The following GNPAT variants were observed in gnomAD, a reference collection of about 807,000 sequenced individuals.
GNPAT encodes the protein glyceronephosphate O-acyltransferase, also known as dihydroxyacetone phosphate acyltransferase.
Under a neutral mutation model 78.4 loss-of-function variants are expected in GNPAT, and 30 were observed. The observed-to-expected ratio is 0.38, with a 90% CI of 0.29 to 0.52. The LOEUF is 0.52. Among genes scored for constraint, GNPAT ranks in the 20% least tolerant of loss-of-function variants. GNPAT has a pLI of 0.84. For synonymous variants in GNPAT, 271 were observed against 281.1 expected (o/e 0.96, Z 0.36); for missense variants, 714 against 812.2 (o/e 0.88, Z 1.47).
Position 231,272,404 on chromosome 1 carries a change from C to G in GNPAT, c.1602+13C>G. 1 of 1,338,388 alleles carries G rather than the reference C, an allele frequency of 7.5e-7. No individual in the cohort carries two copies. The highest frequency in any genetic ancestry group is 1.1e-6 in the Non-Finnish European group (1 of 930,506). The allele number at this position is 1,338,388 out of a possible 1,614,324, so 82.9% of individuals were successfully genotyped here. A position where few individuals can be genotyped will look rare whatever the true frequency, so the allele number is the denominator to read the frequency against. On this transcript the variant is annotated intron_variant, in intron 11 of 15. Transcript: ENST00000366647. ...AAACACACTAAAGGTAAAGTGCTTA[C>G]AACAAAGAGCAAGTATGTTTGCAGT... is the stretch of plus-strand genomic sequence containing the variant.
chr1:231,260,491 T>C lies in GNPAT; in HGVS notation c.262-16T>C. The C allele has an allele frequency of 6.3e-7, 1 of 1,583,350 alleles. No individual in the cohort carries two copies. Among genetic ancestry groups the C allele is most frequent in the Non-Finnish European group, 8.7e-7 (1 of 1,152,640 alleles). On this transcript the variant is annotated splice_polypyrimidine_tract_variant and intron_variant, in intron 2 of 15. Coordinates refer to ENST00000366647, the MANE Select transcript of GNPAT (RefSeq NM_014236.4). ...ATTGTTGTTAGAAATTATTCCTGCT[T>C]TTCCTTTCCTTTTAGCTTTCCAAGG...
rs193133802 is a variant in GNPAT at position 231,245,551 on chromosome 1, G to A, written c.78+4095G>A. 8.0e-4 allele frequency among the ~76,000 whole-genome samples: 122 copies of A among 152,224 alleles called. 1 individual carries two copies. Among genetic ancestry groups the A allele is most frequent in the African/African-American group, 2.2e-3 (92 of 41,546 alleles). ...CAGAGTGAGCCACCATGCCCTGACC[G>A]CAGCTTTATTTTCCTTATATTCTCT... On this transcript the variant is annotated intron_variant, in intron 1 of 15. Transcript: ENST00000366647.
intron 1 of GNPAT, among the ~76,000 whole-genome samples, chr1:231,248,366 C>T (rs1684803056): frequency 6.6e-6 from 1 of 151,998 alleles, no homozygotes; most frequent in East Asian, 1.9e-4. Context: ...CACTTCACAT[C>T]GAGTAGGCTG....
At position 231,266,306 on chromosome 1, in the gene GNPAT, T is replaced by A. The variant is rs755375911; in HGVS notation, c.954T>A (p.Ser318=). ...TGCTGAAAGCCAGAAAGATTCTCTC[T>A]GAAAATTTTGGAAGCATCCATGTGT... ...TGLLKARKIL[S]ENFGSIHVYF... Residue 318 remains serine (S), a synonymous_variant, in exon 8 of 16, where the codon TCT becomes TCA. Transcript: ENST00000366647. The A allele has an allele frequency of 3.7e-6, 6 of 1,614,046 alleles. No individual in the cohort carries two copies. In the East Asian group the frequency reaches 1.3e-4, roughly 36 times the overall value.
Position 231,275,194 on chromosome 1 carries a change from T to TC in GNPAT, c.1744-23dup, listed in dbSNP as rs746623765. On this transcript the variant is annotated intron_variant, in intron 12 of 15. Transcript: ENST00000366647. Reference sequence around the variant, plus strand: ...TTGGCTATCCTTTTTCTCTTTCTGTTCCCCTCATCCTTCCTCTTAAAATCA... The same window carrying TC: ...TTGGCTATCCTTTTTCTCTTTCTGTTCCCCCTCATCCTTCCTCTTAAAATCA... The TC allele has an allele frequency of 4.6e-6, 6 of 1,309,954 alleles. No homozygotes were observed. The East Asian group carries it at 1.4e-4, about 30-fold the overall frequency. The allele number at this position is 1,309,954 out of a possible 1,614,324, so 81.1% of individuals were successfully genotyped here.
rs201498102 is a variant in GNPAT at position 231,250,272 on chromosome 1, AAAT to A, written c.79-688_79-686del. Among the ~76,000 whole-genome samples, 32 of 152,066 alleles carry A rather than the reference AAAT, an allele frequency of 2.1e-4. No individual in the cohort carries two copies. In the East Asian group the frequency reaches 6.2e-3, roughly 30 times the overall value. On this transcript the variant is annotated intron_variant, in intron 1 of 15. Coordinates refer to ENST00000366647, the MANE Select transcript of GNPAT (RefSeq NM_014236.4). Reference sequence around the variant, plus strand: ...CCAGCCAAGACTGTCTCTACAAAAAAAATTAAGAATTAACTGGGCTTGGTGGTA... The same window carrying A: ...CCAGCCAAGACTGTCTCTACAAAAAATAAGAATTAACTGGGCTTGGTGGTA...
chr1:231,265,995 T>A lies in GNPAT; in HGVS notation c.773-19T>A. The A allele has an allele frequency of 6.2e-7, 1 of 1,608,710 alleles. No homozygotes were observed. Among genetic ancestry groups the A allele is most frequent in the Non-Finnish European group, 8.5e-7 (1 of 1,176,446 alleles). On this transcript the variant is annotated intron_variant, in intron 6 of 15. Coordinates refer to ENST00000366647, the MANE Select transcript of GNPAT (RefSeq NM_014236.4). ...GCTCTTCAATATGTTGATGAAGCATTTCTCCCTGTGTTTTGCAGGTCTTCT... is the reference window on the plus strand; with the variant it reads ...GCTCTTCAATATGTTGATGAAGCATATCTCCCTGTGTTTTGCAGGTCTTCT...
chr1:231,260,839 C>T (rs974434404), intron 3 of GNPAT, among the ~76,000 whole-genome samples, 156 bp downstream of exon 3: 3 of 152,064 alleles, frequency 2.0e-5, no homozygotes, highest in African/African-American at 7.2e-5. Context: ...CATCAGGCCT[C>T]CAGTCTAGGC....
At position 231,276,203 on chromosome 1, in the gene GNPAT, G is replaced by A. The variant is rs1248230484; in HGVS notation, c.1999+7G>A. On this transcript the variant is annotated splice_region_variant and intron_variant, in intron 15 of 15. Coordinates refer to ENST00000366647, the MANE Select transcript of GNPAT (RefSeq NM_014236.4). ...AAATTAGAAGAAATGCTTGGTAAGT[G>A]CAGTTTAATAAAATACAAGTTTTCA... The A allele has an allele frequency of 2.2e-6, 3 of 1,375,642 alleles. No homozygotes were observed. Among genetic ancestry groups the A allele is most frequent in the African/African-American group, 1.4e-5 (1 of 70,414 alleles). 85.2% of individuals were successfully genotyped at this position (1,375,642 alleles called of 1,614,324 possible).
At chr1:231,275,870 T>C (rs113296427) in intron 14 of GNPAT, among the ~76,000 whole-genome samples, 1 of 152,170 alleles carries the variant, frequency 6.6e-6, no homozygotes, top group African/African-American at 2.4e-5. Context: ...TATAAACATA[T>C]AGATGTATGT....
chr1:231,255,613 T>A (rs1460153754), intron 2 of GNPAT, among the ~76,000 whole-genome samples: 3 of 152,108 alleles, frequency 2.0e-5, no homozygotes, highest in Non-Finnish European at 2.9e-5. Context: ...TTTTAAAATT[T>A]TTTGTAGGAC....
intron 1 of GNPAT, among the ~76,000 whole-genome samples, chr1:231,246,457 A>G (rs141777989): frequency 6.6e-6 from 1 of 152,314 alleles, no homozygotes; most frequent in African/African-American, 2.4e-5. Context: ...GCTCTCAGTC[A>G]CTATCTGTTG....
intron 1 of GNPAT, 22 bp downstream of exon 1, chr1:231,241,478 G>A (rs1444107398): frequency 6.4e-7 from 1 of 1,560,406 alleles, no homozygotes; most frequent in Admixed American, 1.7e-5. Flanking sequence ...GGGAAAAGAG[G>A]CCCAGAGCGG....
intron 2 of GNPAT, among the ~76,000 whole-genome samples, chr1:231,255,129 A>G (rs998969275): frequency 6.6e-6 from 1 of 151,962 alleles, no homozygotes; most frequent in African/African-American, 2.4e-5. Context: ...TGCATCCAGT[A>G]CTCATTATTT....
At chr1:231,254,194 C>T (rs1478487481) in intron 2 of GNPAT, among the ~76,000 whole-genome samples, 1 of 152,172 alleles carries the variant, frequency 6.6e-6, no homozygotes, top group African/African-American at 2.4e-5. Flanking sequence ...CTTATTCAGG[C>T]CAGTGTTTCT....
intron 8 of GNPAT, among the ~76,000 whole-genome samples, chr1:231,266,896 T>G (rs1474438627): frequency 1.3e-5 from 2 of 152,216 alleles, no homozygotes; most frequent in Non-Finnish European, 2.9e-5. Flanking sequence ...ATTTGAGTTT[T>G]CTTAATTAGG....
chr1:231,246,651 T>C (rs550077841), intron 1 of GNPAT, among the ~76,000 whole-genome samples: 6 of 152,330 alleles, frequency 3.9e-5, no homozygotes, highest in African/African-American at 9.6e-5. Flanking sequence ...TACTTAATGA[T>C]AGTAAAAACT....
At chr1:231,268,028 C>T (rs1375138109) in intron 9 of GNPAT, 125 bp downstream of exon 9, 3 of 726,858 alleles carry the variant, frequency 4.1e-6, no homozygotes, top group African/African-American at 3.5e-5. Context: ...ACAGGCCGGG[C>T]GCGGTGGTTC....
In GNPAT at chr1:231,275,403, A is replaced by G; in HGVS notation, c.1844-2A>G. The G allele has an allele frequency of 6.2e-7, 1 of 1,601,544 alleles. No individual in the cohort carries two copies. Among genetic ancestry groups the G allele is most frequent in the Non-Finnish European group, 8.6e-7 (1 of 1,168,578 alleles). On this transcript the variant is annotated splice_acceptor_variant, in intron 13 of 15. Coordinates refer to ENST00000366647, the MANE Select transcript of GNPAT (RefSeq NM_014236.4). LOFTEE classifies it high-confidence loss of function. Reference sequence around the variant, plus strand: ...CTAACTCTTCCTCACCCCCAATTTTAGGTACCTCTCAATGTTATGATGTAT... The same window carrying G: ...CTAACTCTTCCTCACCCCCAATTTTGGGTACCTCTCAATGTTATGATGTAT...
Sources: allele counts gnomAD v4.1 joint callset (sites outside exome capture counted in the v4.1 genomes callset), GRCh38; gene constraint gnomAD v4.1.1; transcripts MANE v1.5; gene names NCBI Gene and HGNC (gene_info 2026-07-23, HGNC 2026-07-21).